BACH2: variants seen among roughly 807,000 people sequenced by gnomAD.
BACH2 encodes transcription regulator protein BACH2.
Under a neutral mutation model 61.8 loss-of-function variants are expected in BACH2, and 5 were observed. The ratio of observed to expected loss-of-function variants is 0.08; its 90% CI spans 0.04 to 0.17. The LOEUF is 0.17. Among genes scored for constraint, BACH2 ranks in the 10% least tolerant of loss-of-function variants. The pLI, the probability that BACH2 is intolerant of heterozygous loss-of-function variation, is 1.00. For synonymous variants in BACH2, 446 were observed against 440.1 expected, an observed-to-expected ratio of 1.01 and a Z score of -0.17; for missense variants, 824 against 1,091.1, an observed-to-expected ratio of 0.76 and a Z score of 3.45.
chr6:90,218,522 AT>A (rs1308464343), intron 3 of BACH2, among the ~76,000 whole-genome samples: 3 of 134,454 alleles, frequency 2.2e-5, no homozygotes, highest in African/African-American at 8.2e-5. Context: ...TTTTTTTTTA[AT>A]TTCCACTGCC....
At chr6:90,237,585 G>A (rs534266113) in intron 3 of BACH2, among the ~76,000 whole-genome samples, 1 of 152,012 alleles carries the variant, frequency 6.6e-6, no homozygotes, top group East Asian at 1.9e-4. Flanking sequence ...TGACATGACA[G>A]GCCTTGAGAC....
At chr6:90,231,636 CCTA>C (rs1770098908) in intron 3 of BACH2, among the ~76,000 whole-genome samples, 1 of 152,160 alleles carries the variant, frequency 6.6e-6, no homozygotes, top group Non-Finnish European at 1.5e-5. Flanking sequence ...CTACTCATAT[CCTA>C]CTATTTCATG....
intron 6 of BACH2, among the ~76,000 whole-genome samples, chr6:89,975,708 A>G (rs1775614285): frequency 6.6e-6 from 1 of 152,248 alleles, no homozygotes; most frequent in Non-Finnish European, 1.5e-5. Flanking sequence ...CCAAACAGAG[A>G]TAACTCTCCT....
chr6:90,051,835 T>C (rs929451738), intron 5 of BACH2, among the ~76,000 whole-genome samples: 4 of 152,176 alleles, frequency 2.6e-5, no homozygotes, highest in Admixed American at 2.0e-4. Context: ...CTTGAGACTA[T>C]AAATTTTCCT....
intron 4 of BACH2, among the ~76,000 whole-genome samples, chr6:90,102,303 G>C (rs1044597519): frequency 3.9e-5 from 6 of 152,014 alleles, no homozygotes; most frequent in Admixed American, 2.6e-4. Context: ...GGTGAGACAC[G>C]AATCTATTTT....
intron 5 of BACH2, among the ~76,000 whole-genome samples, chr6:90,030,419 G>GT (rs898178329): frequency 9.9e-5 from 15 of 152,020 alleles, no homozygotes; most frequent in Non-Finnish European, 2.2e-4. Flanking sequence ...GACCAGCAGG[G>GT]TTTTTTGAAA....
At chr6:90,061,278 G>A (rs1780672386) in intron 5 of BACH2, among the ~76,000 whole-genome samples, 1 of 152,120 alleles carries the variant, frequency 6.6e-6, no homozygotes, top group Non-Finnish European at 1.5e-5. Context: ...TATCTGATTG[G>A]GCATAAAACA....
At chr6:90,253,266 C>G (rs961390187) in intron 2 of BACH2, among the ~76,000 whole-genome samples, 3 of 151,914 alleles carry the variant, frequency 2.0e-5, no homozygotes, top group Non-Finnish European at 4.4e-5. Flanking sequence ...GGAGGTACTT[C>G]TATAATTTGT....
At position 89,929,960 on chromosome 6, in the gene BACH2, G is replaced by C. The variant is rs1018533485; in HGVS notation, c.*2448C>G. ...AACACACGCCTGCGAAGTATCACGTGATTCACATTGAGTTTATATTCTCAC... is the reference window on the plus strand; with the variant it reads ...AACACACGCCTGCGAAGTATCACGTCATTCACATTGAGTTTATATTCTCAC... On this transcript the variant is annotated 3_prime_UTR_variant, in exon 9 of 9. Transcript: ENST00000257749. The C allele has an allele frequency of 2.6e-5, 4 of 152,276 alleles. No individual in the cohort carries two copies. The highest frequency in any genetic ancestry group is 9.7e-5 in the African/African-American group (4 of 41,418). The allele number at this position is 152,276 out of a possible 1,614,324, so 9.4% of individuals were successfully genotyped here. A position where few individuals can be genotyped will look rare whatever the true frequency, so the allele number is the denominator to read the frequency against.
intron 6 of BACH2, among the ~76,000 whole-genome samples, chr6:89,985,473 A>G (rs1328971854): frequency 6.6e-6 from 1 of 152,090 alleles, no homozygotes; most frequent in East Asian, 1.9e-4. Context: ...GCGGGACACT[A>G]AGATTCTCAC....
At chr6:90,134,573 T>C (rs140727411) in intron 4 of BACH2, among the ~76,000 whole-genome samples, 1 of 152,322 alleles carries the variant, frequency 6.6e-6, no homozygotes, top group East Asian at 1.9e-4. Context: ...TGGGCAAGTT[T>C]CACTGGGATG....
intron 4 of BACH2, among the ~76,000 whole-genome samples, chr6:90,193,715 T>C (rs2127845456): frequency 6.6e-6 from 1 of 152,316 alleles, no homozygotes; most frequent in Non-Finnish European, 1.5e-5. Flanking sequence ...GAAAGGAAAC[T>C]AGTTGTGTCA....
intron 5 of BACH2, among the ~76,000 whole-genome samples, chr6:90,026,007 C>T (rs563869776): frequency 1.3e-5 from 2 of 152,254 alleles, no homozygotes; most frequent in African/African-American, 4.8e-5. Context: ...AACTCCTCCC[C>T]AAAACTTCTT....
intron 7 of BACH2, among the ~76,000 whole-genome samples, chr6:89,949,159 T>C (rs1287604457): frequency 6.6e-6 from 1 of 152,216 alleles, no homozygotes; most frequent in Non-Finnish European, 1.5e-5. Context: ...CATCTCTGCC[T>C]TACAGAGGCT....
chr6:90,260,441 A>T (rs1343373030), intron 2 of BACH2, among the ~76,000 whole-genome samples: 1 of 152,162 alleles, frequency 6.6e-6, no homozygotes, highest in Non-Finnish European at 1.5e-5. Flanking sequence ...CATAATTTCA[A>T]TCTTAAATTT....
At chr6:89,945,273 C>T (rs1442173939) in intron 7 of BACH2, among the ~76,000 whole-genome samples, 1 of 152,124 alleles carries the variant, frequency 6.6e-6, no homozygotes, top group African/African-American at 2.4e-5. Context: ...CCCACATGGC[C>T]CTCAACCAAT....
intron 4 of BACH2, among the ~76,000 whole-genome samples, chr6:90,096,968 C>T (rs1782406417): frequency 1.3e-5 from 2 of 152,216 alleles, no homozygotes; most frequent in South Asian, 2.1e-4. Context: ...TGGGTTCCAT[C>T]ACACCCATAA....
At position 89,951,143 on chromosome 6, in the gene BACH2, C is replaced by T. The variant is rs1362119061; in HGVS notation, c.963G>A (p.Thr321=). The T allele has an allele frequency of 1.5e-5, 24 of 1,611,244 alleles. No individual in the cohort carries two copies. The highest frequency in any genetic ancestry group is 2.0e-5 in the Non-Finnish European group (23 of 1,179,014). Residue 321 remains threonine (T), a synonymous_variant, in exon 7 of 9, where the codon ACG becomes ACA. Coordinates refer to ENST00000257749, the MANE Select transcript of BACH2 (RefSeq NM_021813.4). The surrounding 1 kb of genome is among the most constrained non-coding windows in gnomAD (Gnocchi z 6.4). ...CCAGGCAGGCGGCCCCAGCTGGGGC[C>T]GTGGGGGTAGGGGCAGGGCTGGGCT... The part of the protein sequence containing the change: ...RKQPSPAPTP[T]APAGAACLER...
intron 6 of BACH2, among the ~76,000 whole-genome samples, chr6:89,975,717 C>T (rs1015854629): frequency 1.3e-5 from 2 of 152,188 alleles, no homozygotes; most frequent in African/African-American, 4.8e-5. Flanking sequence ...GATAACTCTC[C>T]TAAGATATCC....
Sources: gnomAD v4.1 joint callset for allele counts (sites outside exome capture counted in the v4.1 genomes callset) on GRCh38, gnomAD v4.1.1 for gene constraint, Gnocchi (gnomAD v3.1) non-coding constraint, MANE v1.5 for transcripts, NCBI Gene and HGNC (gene_info 2026-07-23, HGNC 2026-07-21) for gene names.